The following NELL1 variants were observed in gnomAD, a reference collection of about 807,000 sequenced individuals.
The protein encoded by NELL1 is neural EGFL like 1.
Under a neutral mutation model 107.4 loss-of-function variants are expected in NELL1, and 76 were observed. The observed-to-expected ratio is 0.71, with a 90% CI of 0.59 to 0.86. The LOEUF (loss-of-function observed/expected upper bound fraction) is 0.86, where lower values mean the gene tolerates loss of function less well. Ranked by LOEUF, NELL1 falls within the 40% of genes least tolerant of loss-of-function variation. NELL1 has a pLI of 0.00. For missense variants in NELL1, 1,024 were observed against 1,005.5 expected, an observed-to-expected ratio of 1.02 and a Z score of -0.25; for synonymous variants, 353 against 341.2, an observed-to-expected ratio of 1.03 and a Z score of -0.38.
chr11:21,376,780 G>A (rs576045511), intron 15 of NELL1, among the ~76,000 whole-genome samples: 3 of 151,996 alleles, frequency 2.0e-5, no homozygotes, highest in Non-Finnish European at 4.4e-5. Flanking sequence ...TTGGTTAGAT[G>A]TATTTCGAGG....
intron 10 of NELL1, among the ~76,000 whole-genome samples, chr11:20,943,867 A>G (rs1246645237): frequency 6.6e-6 from 1 of 152,164 alleles, no homozygotes; most frequent in Non-Finnish European, 1.5e-5. Flanking sequence ...ATCATTTTTC[A>G]GTCTATCTGA....
At chr11:21,139,110 G>T (rs1855807322) in intron 13 of NELL1, among the ~76,000 whole-genome samples, 1 of 152,168 alleles carries the variant, frequency 6.6e-6, no homozygotes. Context: ...GAATCAAAGA[G>T]AGCAGGTCCA....
intron 3 of NELL1, among the ~76,000 whole-genome samples, chr11:20,784,388 A>C (rs1352185854): frequency 2.0e-5 from 3 of 152,244 alleles, no homozygotes; most frequent in African/African-American, 7.2e-5. Flanking sequence ...AAGGAAAAAA[A>C]TGTGAGTATT....
chr11:20,783,690 A>G lies in NELL1; in HGVS notation c.195A>G (p.Arg65=). ...SKAFLFQDIE[R]EIHAAPHVSE... ...CTTCTTGATTCCTAGACATAGAAAG[A>G]GAGATCCATGCAGCTCCTCATGTGA... The change falls in exon 3 of 20, where the codon AGA becomes AGG. Residue 65 remains arginine (R), a synonymous_variant. Coordinates refer to ENST00000357134, the MANE Select transcript of NELL1 (RefSeq NM_006157.5). The G allele has an allele frequency of 6.2e-7, 1 of 1,613,006 alleles. No homozygotes were observed. Among genetic ancestry groups the G allele is most frequent in the Non-Finnish European group, 8.5e-7 (1 of 1,179,512 alleles).
chr11:20,893,442 T>G (rs1849660490), intron 5 of NELL1, among the ~76,000 whole-genome samples: 1 of 151,354 alleles, frequency 6.6e-6, no homozygotes, highest in Admixed American at 6.6e-5. Flanking sequence ...AAAATGTTAG[T>G]AAAGGTGATC....
intron 5 of NELL1, among the ~76,000 whole-genome samples, chr11:20,905,365 TAA>T (rs1014272254): frequency 1.2e-4 from 19 of 152,242 alleles, no homozygotes; most frequent in Admixed American, 1.2e-3. Flanking sequence ...AGTGTTCAAA[TAA>T]AGTCACAGGC....
intron 12 of NELL1, among the ~76,000 whole-genome samples, chr11:21,075,328 G>A (rs1590611924): frequency 6.6e-6 from 1 of 152,114 alleles, no homozygotes; most frequent in Non-Finnish European, 1.5e-5. Flanking sequence ...AAGGTGGGTT[G>A]ATAAGAAGTA....
At chr11:20,674,338 C>A in intron 1 of NELL1, 1 of 622,508 alleles carries the variant, frequency 1.6e-6, no homozygotes, top group Non-Finnish European at 2.8e-6. Context: ...TTATTAAAGA[C>A]AGATGAAACA....
chr11:21,502,291 CTA>C (rs1855163208), intron 15 of NELL1, among the ~76,000 whole-genome samples: 2 of 152,140 alleles, frequency 1.3e-5, no homozygotes, highest in Non-Finnish European at 2.9e-5. Flanking sequence ...TGTGGGAAAA[CTA>C]AGGATTTGTT....
intron 14 of NELL1, among the ~76,000 whole-genome samples, chr11:21,280,106 C>G (rs79863257): frequency 0.043 from 6,597 of 152,194 alleles, 181 homozygotes; most frequent in Admixed American, 0.07. Flanking sequence ...GGCAGTGAAA[C>G]TACTCTGTAA....
intron 14 of NELL1, among the ~76,000 whole-genome samples, chr11:21,239,478 G>A (rs1345742154): frequency 6.6e-6 from 1 of 152,024 alleles, no homozygotes; most frequent in Non-Finnish European, 1.5e-5. Flanking sequence ...TTTCATATGT[G>A]TGCTGGCCTA....
chr11:21,421,846 A>G (rs1409093374), intron 15 of NELL1, among the ~76,000 whole-genome samples: 1 of 152,232 alleles, frequency 6.6e-6, no homozygotes, highest in African/African-American at 2.4e-5. Flanking sequence ...GAGATACATT[A>G]TAATCAAACC....
At chr11:20,871,099 T>C (rs1764228153) in intron 4 of NELL1, among the ~76,000 whole-genome samples, 2 of 152,320 alleles carry the variant, frequency 1.3e-5, no homozygotes, top group East Asian at 3.9e-4. Flanking sequence ...TTGTTTTTGT[T>C]CTTAATAGAA....
At chr11:21,566,219 A>G (rs1373447708) in intron 17 of NELL1, among the ~76,000 whole-genome samples, 1 of 151,882 alleles carries the variant, frequency 6.6e-6, no homozygotes, top group Non-Finnish European at 1.5e-5. Context: ...CAAAGTTTAT[A>G]TTACTGTTTT....
chr11:21,175,648 C>T (rs1467515294), intron 13 of NELL1, among the ~76,000 whole-genome samples: 2 of 151,838 alleles, frequency 1.3e-5, no homozygotes, highest in East Asian at 1.9e-4. Context: ...TTTCACGACT[C>T]TACAAACAGA....
chr11:21,416,023 T>C (rs560585336), intron 15 of NELL1, among the ~76,000 whole-genome samples: 1 of 152,038 alleles, frequency 6.6e-6, no homozygotes, highest in African/African-American at 2.4e-5. Flanking sequence ...CTTGCGACAA[T>C]TGAAGTATGC....
intron 4 of NELL1, among the ~76,000 whole-genome samples, 179 bp from the exon 5 acceptor site, chr11:20,885,265 C>T (rs1849484696): frequency 6.6e-6 from 1 of 152,216 alleles, no homozygotes; most frequent in Admixed American, 6.5e-5. Flanking sequence ...GCAGGAGGGG[C>T]CCAGATGATG....
At chr11:21,521,825 T>G (rs1369813678) in intron 15 of NELL1, among the ~76,000 whole-genome samples, 1 of 152,190 alleles carries the variant, frequency 6.6e-6, no homozygotes, top group African/African-American at 2.4e-5. Context: ...TGATATCTTG[T>G]GGTTTAATTT....
chr11:20,819,540 C>G lies in NELL1; in HGVS notation c.336-28043C>G, dbSNP rs944243604. On this transcript the variant is annotated intron_variant, in intron 3 of 19. Coordinates refer to ENST00000357134, the MANE Select transcript of NELL1 (RefSeq NM_006157.5). ...ATTCAGAGGCAGAAAGGGGGCTGGA[C>G]AACTGCAATGTCTGTTTCTAAATTG... Among the ~76,000 whole-genome samples, 47 of 152,304 alleles carry G rather than the reference C, an allele frequency of 3.1e-4. 1 individual carries two copies. The highest frequency in any genetic ancestry group is 6.5e-4 in the Admixed American group (10 of 15,302).
Sources: gnomAD v4.1 joint callset for allele counts (sites outside exome capture counted in the v4.1 genomes callset) on GRCh38, gnomAD v4.1.1 for gene constraint, MANE v1.5 for transcripts, NCBI Gene and HGNC (gene_info 2026-07-23, HGNC 2026-07-21) for gene names.